The following TENM2 variants were observed in gnomAD, a reference collection of about 807,000 sequenced individuals.
TENM2 encodes the protein teneurin-2.
TENM2 carries 52 observed loss-of-function variants against 245.2 expected under a neutral mutation model. The observed-to-expected ratio is 0.21, with a 90% CI of 0.17 to 0.27. TENM2 has a LOEUF of 0.27. TENM2 is among the 10% of genes least tolerant of loss of function. TENM2 has a pLI of 1.00. For missense variants in TENM2, 3,046 were observed against 3,666.8 expected, an observed-to-expected ratio of 0.83 and a Z score of 4.37; for synonymous variants, 1,363 against 1,438.9, an observed-to-expected ratio of 0.95 and a Z score of 1.19.
the TENM2 span, among the ~76,000 whole-genome samples, chr5:167,228,553 A>T: frequency 2.0e-5 from 3 of 150,980 alleles, no homozygotes; most frequent in Admixed American, 6.6e-5. Context: ...AAAATTTTGA[A>T]TTTTTTTTGA....
intron 2 of TENM2, among the ~76,000 whole-genome samples, chr5:167,555,612 G>A (rs752219799): frequency 1.8e-4 from 27 of 152,182 alleles, no homozygotes; most frequent in Non-Finnish European, 2.5e-4. Flanking sequence ...TGTGTCACCT[G>A]TAGGAACGAG....
intron 2 of TENM2, among the ~76,000 whole-genome samples, chr5:167,483,644 C>G (rs561149466): frequency 6.6e-6 from 1 of 152,172 alleles, no homozygotes; most frequent in Non-Finnish European, 1.5e-5. Context: ...TATATTCAAA[C>G]AAGCTAATGA....
At chr5:167,529,890 A>C (rs1771380299) in intron 2 of TENM2, among the ~76,000 whole-genome samples, 1 of 152,174 alleles carries the variant, frequency 6.6e-6, no homozygotes, top group African/African-American at 2.4e-5. Flanking sequence ...TGTTGAGTGG[A>C]ATAGAGAAGA....
At chr5:167,921,312 ACG>A (rs1181920241) in intron 3 of TENM2, among the ~76,000 whole-genome samples, 2 of 152,170 alleles carry the variant, frequency 1.3e-5, no homozygotes. Flanking sequence ...TTGTGTTGTA[ACG>A]CCTACTTTGG....
At chr5:168,041,225 T>G (rs1013522103) in intron 5 of TENM2, among the ~76,000 whole-genome samples, 1 of 152,214 alleles carries the variant, frequency 6.6e-6, no homozygotes, top group Admixed American at 6.5e-5. Flanking sequence ...ACTGGCTGAA[T>G]TGTCTTGGGC....
At chr5:167,503,239 C>A (rs970301160) in intron 2 of TENM2, among the ~76,000 whole-genome samples, 6 of 152,116 alleles carry the variant, frequency 3.9e-5, no homozygotes, top group Non-Finnish European at 8.8e-5. Flanking sequence ...AAAATCTTTA[C>A]AATCATTATA....
the TENM2 span, among the ~76,000 whole-genome samples, chr5:167,276,301 T>TACA: frequency 2.0e-5 from 3 of 151,678 alleles, no homozygotes; most frequent in South Asian, 6.2e-4. Flanking sequence ...GTCAATTCCT[T>TACA]TTTAAACATT....
chr5:167,017,340 G>GT, the TENM2 span, among the ~76,000 whole-genome samples: 574 of 152,320 alleles, frequency 3.8e-3, 4 homozygotes, highest in African/African-American at 0.013. Context: ...AAAAATCTGT[G>GT]TAACGTTGGA....
At chr5:168,173,463 G>T (rs1759039500) in intron 13 of TENM2, among the ~76,000 whole-genome samples, 1 of 152,102 alleles carries the variant, frequency 6.6e-6, no homozygotes, top group African/African-American at 2.4e-5. Flanking sequence ...GATGCCTAGG[G>T]TACCTCACAG....
chr5:167,406,259 G>T (rs991767528), intron 2 of TENM2, among the ~76,000 whole-genome samples: 2 of 152,114 alleles, frequency 1.3e-5, no homozygotes, highest in African/African-American at 4.8e-5. Context: ...TGATGGGTTT[G>T]CTTTAGTTTC....
At chr5:168,071,094 C>A (rs74289996) in intron 7 of TENM2, among the ~76,000 whole-genome samples, 1 of 152,170 alleles carries the variant, frequency 6.6e-6, no homozygotes, top group Non-Finnish European at 1.5e-5. Context: ...TGACTCTGAA[C>A]TCCAGCCTCC....
chr5:167,226,067 G>C, the TENM2 span, among the ~76,000 whole-genome samples: 3 of 151,602 alleles, frequency 2.0e-5, no homozygotes, highest in African/African-American at 7.3e-5. Context: ...GGTTAGTCTA[G>C]CTGCAGTATA....
intron 2 of TENM2, among the ~76,000 whole-genome samples, chr5:167,696,547 G>A (rs1278735184): frequency 6.6e-6 from 1 of 152,146 alleles, no homozygotes; most frequent in African/African-American, 2.4e-5. Context: ...CTCTAAAATG[G>A]TGAGCCTCCC....
chr5:167,859,141 G>A (rs1359065424), intron 2 of TENM2, among the ~76,000 whole-genome samples: 2 of 120,810 alleles, frequency 1.7e-5, no homozygotes, highest in Non-Finnish European at 3.6e-5. Context: ...GGGATGTGAG[G>A]AGCGCCTCTG....
intron 2 of TENM2, among the ~76,000 whole-genome samples, chr5:167,587,823 GGT>G (rs1194761614): frequency 5.3e-5 from 8 of 152,312 alleles, no homozygotes; most frequent in African/African-American, 1.7e-4. Flanking sequence ...TGCAGTGAAA[GGT>G]GTAACTATTT....
intron 5 of TENM2, among the ~76,000 whole-genome samples, chr5:168,015,644 T>A (rs929514183): frequency 2.0e-5 from 3 of 152,180 alleles, no homozygotes; most frequent in African/African-American, 7.2e-5. Context: ...TTTCTTGAGT[T>A]TGGGATTTGT....
intron 2 of TENM2, among the ~76,000 whole-genome samples, chr5:167,807,124 T>TAAAAAAAAAAAAAAAAAAAAAAA (rs1178739925): frequency 1.8e-4 from 9 of 49,078 alleles, no homozygotes; most frequent in South Asian, 1.3e-3. Flanking sequence ...GCCCCTAGGT[T>TAAAAAAAAAAAAAAAAAAAAAAA]AAAAAAAAAA....
intron 10 of TENM2, among the ~76,000 whole-genome samples, chr5:168,123,017 C>G (rs529658086): frequency 6.6e-6 from 1 of 152,164 alleles, no homozygotes; most frequent in South Asian, 2.1e-4. Flanking sequence ...ACACCAATGG[C>G]TGGGCATGGT....
intron 2 of TENM2, among the ~76,000 whole-genome samples, chr5:167,442,396 C>T (rs1006401084): frequency 7.9e-5 from 12 of 152,058 alleles, no homozygotes; most frequent in Non-Finnish European, 1.6e-4. Flanking sequence ...TCTCTAAACC[C>T]ATAACTAGAA....
Sources: gnomAD v4.1 joint callset for allele counts (sites outside exome capture counted in the v4.1 genomes callset) on GRCh38, gnomAD v4.1.1 for gene constraint, MANE v1.5 for transcripts, NCBI Gene and HGNC (gene_info 2026-07-23, HGNC 2026-07-21) for gene names.